Variants in SMARCD3 observed in about 807,000 individuals in gnomAD.
The protein encoded by SMARCD3 is SWI/SNF related BAF chromatin remodeling complex subunit D3, also known as SWI/SNF-related matrix-associated actin-dependent regulator of chromatin subfamily D member 3.
SMARCD3 carries 14 observed loss-of-function variants against 58.0 expected under a neutral mutation model. The ratio of observed to expected loss-of-function variants is 0.24; its 90% CI spans 0.16 to 0.38. The LOEUF (loss-of-function observed/expected upper bound fraction) is 0.38, where lower values mean the gene tolerates loss of function less well. Among genes scored for constraint, SMARCD3 ranks in the 10% least tolerant of loss-of-function variants. The probability of loss-of-function intolerance (pLI) is 1.00; values close to 1 mark genes in which losing one functional copy is unlikely to be tolerated. For missense variants in SMARCD3, 408 were observed against 636.9 expected (o/e 0.64, Z 3.87); for synonymous variants, 253 against 253.8 (o/e 1.00, Z 0.03).
chr7:151,262,412 G>C (rs1352387075), intron 2 of SMARCD3, among the ~76,000 whole-genome samples: 1 of 152,216 alleles, frequency 6.6e-6, no homozygotes, highest in Non-Finnish European at 1.5e-5. Context: ...GACTTTGTAA[G>C]GCCAGTTATT....
chr7:151,266,932 T>A (rs1173548030), intron 2 of SMARCD3, among the ~76,000 whole-genome samples: 1 of 152,168 alleles, frequency 6.6e-6, no homozygotes, highest in African/African-American at 2.4e-5. Flanking sequence ...AGGCTGGTCT[T>A]GAACTTTTGG....
chr7:151,245,431 G>A lies in SMARCD3; in HGVS notation c.290+29C>T, dbSNP rs1302873273. 1 of 1,038,656 alleles carries A rather than the reference G, an allele frequency of 9.6e-7. No homozygotes were observed. The highest frequency in any genetic ancestry group is 1.2e-6 in the Non-Finnish European group (1 of 813,112). The allele number at this position is 1,038,656 out of a possible 1,614,324, so 64.3% of individuals were successfully genotyped here. A position where few individuals can be genotyped will look rare whatever the true frequency, so the allele number is the denominator to read the frequency against. On this transcript the variant is annotated intron_variant, in intron 2 of 12. Transcript: ENST00000262188. This position sits in a 1 kb window ranked among gnomAD's most constrained non-coding sequence, Gnocchi z 6.2. ...GGTCCCCCAGGGCCCGCCCCTGCACGCCCCCTCCTCGCCGGGCCTCCCACT... is the reference window on the plus strand; with the variant it reads ...GGTCCCCCAGGGCCCGCCCCTGCACACCCCCTCCTCGCCGGGCCTCCCACT...
intron 2 of SMARCD3, among the ~76,000 whole-genome samples, chr7:151,274,275 G>T (rs1313740863): frequency 6.6e-6 from 1 of 152,224 alleles, no homozygotes; most frequent in African/African-American, 2.4e-5. Flanking sequence ...GGGTGGGGCT[G>T]GGCAGGCAGA....
Position 151,242,714 on chromosome 7 carries a change from A to C in SMARCD3, c.456+7T>G. On this transcript the variant is annotated splice_region_variant and intron_variant, in intron 4 of 12. Transcript: ENST00000262188. This position sits in a 1 kb window ranked among gnomAD's most constrained non-coding sequence, Gnocchi z 4.7. ...AGAGTCCCCTTCCTACCCCCGAACT[A>C]AGGCACCTTCATGGGCCTCTTCAGA... 9.3e-6 allele frequency: 15 copies of C among 1,613,650 alleles called. No homozygotes were observed. The highest frequency in any genetic ancestry group is 1.3e-5 in the Non-Finnish European group (15 of 1,179,908).
In SMARCD3 at chr7:151,239,273, C is replaced by G; in HGVS notation, c.1399-117G>C. On this transcript the variant is annotated intron_variant, in intron 12 of 12. Coordinates refer to ENST00000262188, the MANE Select transcript of SMARCD3 (RefSeq NM_001003801.2). The surrounding 1 kb of genome is among the most constrained non-coding windows in gnomAD (Gnocchi z 7.0). Reference sequence around the variant, plus strand: ...CATCTGGGAGCAGGGAGGGCCATTGCATGGTGAGGCAGCGTGGTGAAGCTT... The same window carrying G: ...CATCTGGGAGCAGGGAGGGCCATTGGATGGTGAGGCAGCGTGGTGAAGCTT... The G allele has an allele frequency of 7.5e-7, 1 of 1,326,518 alleles. No individual in the cohort carries two copies. The highest frequency in any genetic ancestry group is 1.1e-6 in the Non-Finnish European group (1 of 920,062). The allele number at this position is 1,326,518 out of a possible 1,614,324, so 82.2% of individuals were successfully genotyped here. A position where few individuals can be genotyped will look rare whatever the true frequency, so the allele number is the denominator to read the frequency against.
Position 151,241,401 on chromosome 7 carries a change from G to T in SMARCD3, c.939+91C>A. 1.8e-6 allele frequency: 2 copies of T among 1,082,892 alleles called. No homozygotes were observed. The highest frequency in any genetic ancestry group is 2.8e-6 in the Non-Finnish European group (2 of 718,912). 67.1% of individuals were successfully genotyped at this position (1,082,892 alleles called of 1,614,324 possible). On this transcript the variant is annotated intron_variant, in intron 8 of 12. Transcript: ENST00000262188. The surrounding 1 kb of genome is among the most constrained non-coding windows in gnomAD (Gnocchi z 5.3). ...GCTTCTGCTACTCAGGAATCTAGAAGGGAGGGGTGGTAGTTACCTTGGTAG... is the reference window on the plus strand; with the variant it reads ...GCTTCTGCTACTCAGGAATCTAGAATGGAGGGGTGGTAGTTACCTTGGTAG...
intron 2 of SMARCD3, among the ~76,000 whole-genome samples, chr7:151,244,781 A>G (rs1016650918): frequency 4.6e-5 from 7 of 152,360 alleles, no homozygotes; most frequent in Admixed American, 3.3e-4. Flanking sequence ...CAAAAAAAGC[A>G]TGTGTATTTG....
rs759615695 is a variant in SMARCD3, at chr7:151,248,564, G to T, written c.-2C>A. 2.2e-5 allele frequency: 35 copies of T among 1,613,612 alleles called. No homozygotes were observed. Among genetic ancestry groups the T allele is most frequent in the Non-Finnish European group, 1.7e-6 (2 of 1,179,762 alleles). ...TCCGGCAACTTCGTCCGCGGCCATC[G>T]GGGTGGGCTCAGCGGCTCCTCTCAC... On this transcript the variant is annotated 5_prime_UTR_variant, in exon 1 of 13. Transcript: ENST00000262188. This position sits in a 1 kb window ranked among gnomAD's most constrained non-coding sequence, Gnocchi z 6.1.
At chr7:151,253,371 C>T (rs149201280), upstream of SMARCD3, among the ~76,000 whole-genome samples, 1,152 of 152,262 alleles carry the variant, frequency 7.6e-3, 5 homozygotes, top group Non-Finnish European at 0.013. Flanking sequence ...CTGGCTGAGC[C>T]CTCACCCCTA....
upstream of SMARCD3, among the ~76,000 whole-genome samples, chr7:151,250,269 G>C (rs1168794121): frequency 1.3e-5 from 2 of 151,984 alleles, no homozygotes; most frequent in Non-Finnish European, 2.9e-5. Flanking sequence ...CCCCTAGCTT[G>C]AAAGGGGACC....
intron 2 of SMARCD3, among the ~76,000 whole-genome samples, chr7:151,270,904 T>C (rs191399945): frequency 3.7e-4 from 56 of 152,210 alleles, no homozygotes; most frequent in Non-Finnish European, 6.9e-4. Context: ...AATTGACACT[T>C]ATCTAGGAAA....
intron 2 of SMARCD3, among the ~76,000 whole-genome samples, chr7:151,268,972 C>T (rs1795076915): frequency 6.6e-6 from 1 of 152,158 alleles, no homozygotes; most frequent in African/African-American, 2.4e-5. Context: ...TATTACTCTG[C>T]CCCCAGTCAC....
Position 151,246,661 on chromosome 7 carries a change from A to G in SMARCD3, c.79-990T>C, listed in dbSNP as rs1201374973. ...GGGTTCATGGGGGCTGTGGAGACTGAGAGGAGGCGGCTCCTCCTCCCTTGC... is the reference window on the plus strand; with the variant it reads ...GGGTTCATGGGGGCTGTGGAGACTGGGAGGAGGCGGCTCCTCCTCCCTTGC... On this transcript the variant is annotated intron_variant, in intron 1 of 12. Coordinates refer to ENST00000262188, the MANE Select transcript of SMARCD3 (RefSeq NM_001003801.2). The surrounding 1 kb of genome is among the most constrained non-coding windows in gnomAD (Gnocchi z 4.4). Among the ~76,000 whole-genome samples, 1 of 152,050 alleles carries G rather than the reference A, an allele frequency of 6.6e-6. No individual in the cohort carries two copies. Among genetic ancestry groups the G allele is most frequent in the Non-Finnish European group, 1.5e-5 (1 of 67,990 alleles).
At position 151,242,847 on chromosome 7, in the gene SMARCD3, G is replaced by T. The variant is rs1207059392; in HGVS notation, c.334-4C>A. ...ACTCGGGGACCAGCTCCCGAATCTGGAGAAGGAGGAGCAGGGCAGGAGTCA... is the reference window on the plus strand; with the variant it reads ...ACTCGGGGACCAGCTCCCGAATCTGTAGAAGGAGGAGCAGGGCAGGAGTCA... On this transcript the variant is annotated splice_region_variant and splice_polypyrimidine_tract_variant and intron_variant, in intron 3 of 12. Transcript: ENST00000262188. The surrounding 1 kb of genome is among the most constrained non-coding windows in gnomAD (Gnocchi z 4.7). 1 of 1,614,112 alleles carries T rather than the reference G, an allele frequency of 6.2e-7. No homozygotes were observed. Among genetic ancestry groups the T allele is most frequent in the South Asian group, 1.1e-5 (1 of 91,072 alleles).
In SMARCD3 at chr7:151,240,453, CAG is replaced by C. The variant is rs1802921066; in HGVS notation, c.1007_1008del (p.Pro336ArgfsTer23). The C allele has an allele frequency of 1.9e-6, 3 of 1,613,748 alleles. No homozygotes were observed. The highest frequency in any genetic ancestry group is 1.3e-5 in the African/African-American group (1 of 74,902). ...ATGACATGGTTGATGACAATTGGGT[CAG>C]GGGGCAATAGCAGGGCTGTGAGGCG... is the stretch of plus-strand genomic sequence containing the variant. ...PQRLTALLLP[P>X]DPIVINHVIS... On this transcript the variant is annotated frameshift_variant, in exon 9 of 13. Transcript: ENST00000262188. LOFTEE classifies it high-confidence loss of function.
At chr7:151,255,042 G>A (rs576831548) in intron 2 of SMARCD3, among the ~76,000 whole-genome samples, 1 of 152,270 alleles carries the variant, frequency 6.6e-6, no homozygotes, top group East Asian at 1.9e-4. Context: ...GTCTGACACT[G>A]CACCTTCCAC....
chr7:151,260,048 A>C (rs1327108753), intron 2 of SMARCD3, among the ~76,000 whole-genome samples: 3 of 152,176 alleles, frequency 2.0e-5, no homozygotes, highest in Non-Finnish European at 4.4e-5. Context: ...TCCCCATTAT[A>C]AAGATAATGA....
Position 151,242,341 on chromosome 7 carries a change from T to G in SMARCD3, c.580-109A>C. The stretch of plus-strand genomic sequence containing the variant: ...GGCAGTGGGCTTAGATGAAATCCTC[T>G]GCACTTGGAATGTCTCTAGGCCTGC... On this transcript the variant is annotated intron_variant, in intron 5 of 12. Transcript: ENST00000262188. This position sits in a 1 kb window ranked among gnomAD's most constrained non-coding sequence, Gnocchi z 4.7. The G allele has an allele frequency of 7.0e-7, 1 of 1,428,020 alleles. No homozygotes were observed. The highest frequency in any genetic ancestry group is 9.8e-7 in the Non-Finnish European group (1 of 1,017,648). The allele number at this position is 1,428,020 out of a possible 1,614,324, so 88.5% of individuals were successfully genotyped here. A position where few individuals can be genotyped will look rare whatever the true frequency, so the allele number is the denominator to read the frequency against.
intron 2 of SMARCD3, among the ~76,000 whole-genome samples, chr7:151,254,110 T>C (rs1803622472): frequency 6.6e-6 from 1 of 152,146 alleles, no homozygotes; most frequent in Admixed American, 6.5e-5. Flanking sequence ...CTCCCAGGTG[T>C]GTGGGAGCCA....
Sources: allele counts gnomAD v4.1 joint callset (sites outside exome capture counted in the v4.1 genomes callset), GRCh38; gene constraint gnomAD v4.1.1; non-coding constraint Gnocchi (gnomAD v3.1); transcripts MANE v1.5; gene names NCBI Gene and HGNC (gene_info 2026-07-23, HGNC 2026-07-21).